VDAC1: variants seen among roughly 807,000 people sequenced by gnomAD.
VDAC1 encodes the protein voltage dependent anion channel 1.
In VDAC1, 10 loss-of-function variants were observed where a neutral mutation model predicts 34.7. That is an observed-to-expected ratio of 0.29 (90% CI 0.18 to 0.49). The LOEUF is 0.49. Among genes scored for constraint, VDAC1 ranks in the 20% least tolerant of loss-of-function variants. The pLI is 0.99. For synonymous variants in VDAC1, 130 were observed against 136.0 expected, an observed-to-expected ratio of 0.96 and a Z score of 0.30; for missense variants, 230 against 347.9, an observed-to-expected ratio of 0.66 and a Z score of 2.69.
chr5:134,114,479 G>A, the VDAC1 span, among the ~76,000 whole-genome samples: 4 of 152,162 alleles, frequency 2.6e-5, no homozygotes, highest in Non-Finnish European at 4.4e-5. Context: ...AGGAGTTCCC[G>A]TTAGAGTCTC....
the VDAC1 span, among the ~76,000 whole-genome samples, chr5:134,061,500 T>C: frequency 1.5e-4 from 23 of 151,640 alleles, no homozygotes; most frequent in African/African-American, 5.5e-4. Context: ...ACCTCCCAAG[T>C]AGCTGGGACT....
the VDAC1 span, among the ~76,000 whole-genome samples, chr5:134,010,989 G>T: frequency 6.6e-6 from 1 of 150,678 alleles, no homozygotes; most frequent in African/African-American, 2.4e-5. Flanking sequence ...TTTTGTAGGG[G>T]CACTTAAGAT....
At chr5:134,004,394 A>G (rs1161550341) in intron 1 of VDAC1, 1 of 152,068 alleles carries the variant, frequency 6.6e-6, no homozygotes, top group Non-Finnish European at 1.5e-5. Context: ...TCTCGCCGCC[A>G]GCCGCAGGCG....
At chr5:134,072,587 T>G in the VDAC1 span, among the ~76,000 whole-genome samples, 1 of 152,240 alleles carries the variant, frequency 6.6e-6, no homozygotes, top group Non-Finnish European at 1.5e-5. Context: ...AGCTCTGCTC[T>G]GGGCAGAAAC....
the VDAC1 span, among the ~76,000 whole-genome samples, chr5:134,096,639 T>C: frequency 1.3e-5 from 2 of 152,242 alleles, no homozygotes; most frequent in East Asian, 3.9e-4. Flanking sequence ...AGGGTCTCAC[T>C]CTGTCACCTA....
At chr5:134,040,844 C>A in the VDAC1 span, among the ~76,000 whole-genome samples, 1 of 152,110 alleles carries the variant, frequency 6.6e-6, no homozygotes. Flanking sequence ...AGGGGTCACT[C>A]TAGGAAGTCA....
chr5:134,087,000 C>T, the VDAC1 span, among the ~76,000 whole-genome samples: 1,213 of 152,192 alleles, frequency 8.0e-3, 16 homozygotes, highest in African/African-American at 0.028. Flanking sequence ...CAGGACAAAG[C>T]AACCACAGCT....
chr5:134,039,601 T>A, the VDAC1 span, among the ~76,000 whole-genome samples: 2 of 152,070 alleles, frequency 1.3e-5, no homozygotes, highest in African/African-American at 2.4e-5. Flanking sequence ...AGTGCTGGGA[T>A]TACAGGCGTG....
At chr5:133,972,890 AAGG>A (rs905646868) in intron 8 of VDAC1, 28 bp from the exon 9 acceptor site, 5 of 1,563,254 alleles carry the variant, frequency 3.2e-6, no homozygotes, top group East Asian at 4.5e-5. Flanking sequence ...AGGGAGAGGA[AAGG>A]AGGAGGAATG....
chr5:134,033,095 G>A, the VDAC1 span, among the ~76,000 whole-genome samples: 2 of 150,684 alleles, frequency 1.3e-5, no homozygotes, highest in Non-Finnish European at 3.0e-5. Context: ...AGAGGAGAGG[G>A]AAAAAGAGAA....
the VDAC1 span, among the ~76,000 whole-genome samples, chr5:134,051,642 C>T: frequency 6.6e-6 from 1 of 150,606 alleles, no homozygotes; most frequent in African/African-American, 2.4e-5. Flanking sequence ...GTTAAGGACA[C>T]ACTACCCCTA....
At chr5:134,112,991 G>C in the VDAC1 span, among the ~76,000 whole-genome samples, 1 of 152,164 alleles carries the variant, frequency 6.6e-6, no homozygotes, top group Admixed American at 6.5e-5. Flanking sequence ...GGGCAGATCC[G>C]GATTCCCTTT....
At chr5:134,016,073 G>A in the VDAC1 span, among the ~76,000 whole-genome samples, 1 of 152,190 alleles carries the variant, frequency 6.6e-6, no homozygotes, top group Non-Finnish European at 1.5e-5. Context: ...ACAGGCATGA[G>A]CCCCCACACC....
At chr5:134,029,599 T>A in the VDAC1 span, among the ~76,000 whole-genome samples, 1 of 152,268 alleles carries the variant, frequency 6.6e-6, no homozygotes, top group Non-Finnish European at 1.5e-5. Context: ...AAAATGTGGC[T>A]GATATGACTG....
At chr5:134,012,075 A>G in the VDAC1 span, among the ~76,000 whole-genome samples, 1 of 152,102 alleles carries the variant, frequency 6.6e-6, no homozygotes, top group Non-Finnish European at 1.5e-5. Flanking sequence ...AAAAAAGAAG[A>G]AAGAAAGAGA....
the VDAC1 span, among the ~76,000 whole-genome samples, chr5:134,093,174 T>C: frequency 6.6e-6 from 1 of 152,342 alleles, no homozygotes; most frequent in East Asian, 1.9e-4. Context: ...GAACTGGATA[T>C]GGGTCCTGAA....
At chr5:133,999,198 G>A (rs1396548578) in intron 1 of VDAC1, among the ~76,000 whole-genome samples, 1 of 152,158 alleles carries the variant, frequency 6.6e-6, no homozygotes, top group South Asian at 2.1e-4. Flanking sequence ...GATTCAGGCA[G>A]ATGAGCTTTG....
intron 6 of VDAC1, 172 bp from the exon 7 acceptor site, chr5:133,976,193 AG>A (rs1415623430): frequency 2.8e-6 from 2 of 724,966 alleles, no homozygotes; most frequent in East Asian, 5.5e-5. Flanking sequence ...ACTAAATTAC[AG>A]GAAGTCTGAT....
chr5:133,993,363 G>A (rs1299409710), intron 1 of VDAC1, among the ~76,000 whole-genome samples: 1 of 152,186 alleles, frequency 6.6e-6, no homozygotes, highest in African/African-American at 2.4e-5. Context: ...ATGAGCCAGT[G>A]ACTTTACTGA....
Sources: gnomAD v4.1 joint callset for allele counts (sites outside exome capture counted in the v4.1 genomes callset) on GRCh38, gnomAD v4.1.1 for gene constraint, MANE v1.5 for transcripts, NCBI Gene and HGNC (gene_info 2026-07-23, HGNC 2026-07-21) for gene names.